Variants in PSMA7 observed in about 807,000 individuals in gnomAD.
The protein encoded by PSMA7 is proteasome 20S subunit alpha 7.
Under a neutral mutation model 31.3 loss-of-function variants are expected in PSMA7, and 5 were observed. The observed-to-expected ratio is 0.16, with a 90% confidence interval of 0.08 to 0.34. The LOEUF (loss-of-function observed/expected upper bound fraction) is 0.34. Ranked by LOEUF, PSMA7 falls within the 10% of genes least tolerant of loss-of-function variation. PSMA7 has a pLI of 1.00. For missense variants in PSMA7, 217 were observed against 327.5 expected (o/e 0.66, Z 2.60); for synonymous variants, 155 against 121.9 (o/e 1.27, Z -1.79).
intron 5 of PSMA7, among the ~76,000 whole-genome samples, chr20:62,137,851 G>C (rs373799168): frequency 3.9e-5 from 6 of 152,324 alleles, no homozygotes; most frequent in African/African-American, 1.4e-4. Context: ...GCCTCTGGAA[G>C]GCCTAGTGAT....
intron 6 of PSMA7, 112 bp downstream of exon 6, chr20:62,137,252 A>G: frequency 8.8e-7 from 1 of 1,142,778 alleles, no homozygotes; most frequent in Non-Finnish European, 1.3e-6. Flanking sequence ...CATTTTCCTA[A>G]TGTTAAAACC....
chr20:62,136,844 G>C lies in PSMA7; in HGVS notation c.*13C>G. The C allele has an allele frequency of 6.3e-7, 1 of 1,587,372 alleles. No homozygotes were observed. Among genetic ancestry groups the C allele is most frequent in the East Asian group, 2.2e-5 (1 of 44,624 alleles). On this transcript the variant is annotated 3_prime_UTR_variant, in exon 7 of 7. Transcript: ENST00000370873. ...TATGAATTTAAAAATTACAAGCAAA[G>C]ACATTTTATTCATCATGATGCTTTC...
chr20:62,143,120 AGCGCC>A, intron 1 of PSMA7, 83 bp downstream of exon 1: 1 of 844,416 alleles, frequency 1.2e-6, no homozygotes, highest in Non-Finnish European at 1.4e-6. Context: ...GGGCGCCCAC[AGCGCC>A]GCGCCCGGCC....
At chr20:62,138,688 G>A (rs2056909626) in intron 4 of PSMA7, among the ~76,000 whole-genome samples, 1 of 151,890 alleles carries the variant, frequency 6.6e-6, no homozygotes, top group African/African-American at 2.4e-5. Context: ...CTGAGTAGCT[G>A]GGATTACAGG....
chr20:62,140,981 T>TA, intron 1 of PSMA7, 37 bp from the exon 2 acceptor site: 1 of 1,612,006 alleles, frequency 6.2e-7, no homozygotes, highest in Non-Finnish European at 8.5e-7. Flanking sequence ...AAGAAAGTGA[T>TA]ATGAGTGCTG....
intron 5 of PSMA7, 114 bp downstream of exon 5, chr20:62,138,057 C>G (rs2056905635): frequency 1.5e-6 from 2 of 1,376,136 alleles, no homozygotes; most frequent in Non-Finnish European, 2.0e-6. Context: ...ACACAGCAGT[C>G]ATTAAGCATT....
intron 2 of PSMA7, among the ~76,000 whole-genome samples, chr20:62,140,573 G>A (rs765018312): frequency 6.6e-6 from 1 of 152,068 alleles, no homozygotes; most frequent in Non-Finnish European, 1.5e-5. Flanking sequence ...AATAACAGTG[G>A]AGGTCAAATT....
intron 1 of PSMA7, among the ~76,000 whole-genome samples, chr20:62,141,544 C>A (rs2056927426): frequency 6.6e-6 from 1 of 152,262 alleles, no homozygotes; most frequent in African/African-American, 2.4e-5. Context: ...GTTTTAGTTA[C>A]AACATAGCTA....
intron 5 of PSMA7, 135 bp from the exon 6 acceptor site, chr20:62,137,561 C>T (rs1012871458): frequency 3.6e-6 from 3 of 826,832 alleles, no homozygotes; most frequent in Non-Finnish European, 6.1e-6. Context: ...CCCCCAAAAC[C>T]TGTGTCTTTG....
intron 4 of PSMA7, among the ~76,000 whole-genome samples, chr20:62,138,624 G>A (rs2056909277): frequency 6.8e-6 from 1 of 147,852 alleles, no homozygotes; most frequent in African/African-American, 2.5e-5. Flanking sequence ...GTGTGATCTC[G>A]GCTCACTGCA....
chr20:62,139,757 G>A, intron 3 of PSMA7, 24 bp downstream of exon 3: 2 of 1,613,854 alleles, frequency 1.2e-6, no homozygotes, highest in South Asian at 1.1e-5. Context: ...CCAGAGGTGA[G>A]CATGCAAGCG....
At position 62,143,180 on chromosome 20, in the gene PSMA7, C is replaced by T. The variant is rs766573803; in HGVS notation, c.96+28G>A. The stretch of plus-strand genomic sequence containing the variant: ...CCAGCCCCACTTCCGCCCGCGTCCC[C>T]GGCCCCGCGCAGGCCCCGCCGCCTC... On this transcript the variant is annotated intron_variant, in intron 1 of 6. Coordinates refer to ENST00000370873, the MANE Select transcript of PSMA7 (RefSeq NM_002792.4). 24 of 1,341,096 alleles carry T rather than the reference C, an allele frequency of 1.8e-5. No homozygotes were observed. The South Asian group carries it at 2.4e-4, about 13-fold the overall frequency. 83.1% of individuals were successfully genotyped at this position (1,341,096 alleles called of 1,614,324 possible). A position where few individuals can be genotyped will look rare whatever the true frequency, so the allele number is the denominator to read the frequency against.
In PSMA7 at chr20:62,136,762, CTCAG is replaced by C. The variant is rs1393880933; in HGVS notation, c.*91_*94del. 28 of 1,472,990 alleles carry C rather than the reference CTCAG, an allele frequency of 1.9e-5. No homozygotes were observed. The highest frequency in any genetic ancestry group is 2.3e-5 in the Non-Finnish European group (25 of 1,109,652). 91.2% of individuals were successfully genotyped at this position (1,472,990 alleles called of 1,614,324 possible). A position where few individuals can be genotyped will look rare whatever the true frequency, so the allele number is the denominator to read the frequency against. On this transcript the variant is annotated 3_prime_UTR_variant, in exon 7 of 7. Coordinates refer to ENST00000370873, the MANE Select transcript of PSMA7 (RefSeq NM_002792.4). ...AAATACGGAAGTTTATTGTAGGACA[CTCAG>C]TGTGAATAAATGGAATGGAAAGGCC...
rs1470493243 is a variant in PSMA7, at chr20:62,136,940, G to A, written c.664C>T (p.Pro222Ser). 2.5e-6 allele frequency: 4 copies of A among 1,596,486 alleles called. No homozygotes were observed. The highest frequency in any genetic ancestry group is 2.2e-5 in the East Asian group (1 of 44,624). ...GCAACATACTTCTCAATTTCTTCAG[G>A]ATTTAAAATCTATAGAAAAAAACTT... ...RRDQSLKILN[P>S]EEIEKYVAEI... is the part of the protein sequence containing the mutation. Residue 222 changes from proline (P) to serine (S), a missense_variant, in exon 7 of 7, where the codon CCT becomes TCT. Pro to Ser is a moderately conservative substitution (Grantham distance 74, BLOSUM62 -1). This residue lies in a region of PSMA7 where 88 missense variants were observed against 111.6 expected (regional missense o/e 0.79). Coordinates refer to ENST00000370873, the MANE Select transcript of PSMA7 (RefSeq NM_002792.4).
intron 5 of PSMA7, 177 bp from the exon 6 acceptor site, chr20:62,137,603 T>C (rs2056903164): frequency 3.1e-6 from 2 of 648,240 alleles, no homozygotes; most frequent in South Asian, 1.8e-5. Flanking sequence ...TGAAGTCTGT[T>C]TGGGATGCCT....
rs114888485 is a variant in PSMA7, at chr20:62,138,044, G to A, written c.591+127C>T. 2,840 of 1,295,688 alleles carry A rather than the reference G, an allele frequency of 2.2e-3. 52 individuals carry two copies. In the African/African-American group the frequency reaches 0.034, roughly 16 times the overall value. 80.3% of individuals were successfully genotyped at this position (1,295,688 alleles called of 1,614,324 possible). ...TACACCATAGACCAGAGCAGTGCCT[G>A]GAACACAGCAGTCATTAAGCATTAC... On this transcript the variant is annotated intron_variant, in intron 5 of 6. Coordinates refer to ENST00000370873, the MANE Select transcript of PSMA7 (RefSeq NM_002792.4).
intron 5 of PSMA7, among the ~76,000 whole-genome samples, chr20:62,137,731 T>C (rs571380321): frequency 1.3e-5 from 2 of 152,336 alleles, no homozygotes; most frequent in East Asian, 3.9e-4. Context: ...CGCTCCCGCC[T>C]GGCCTTCCAG....
intron 1 of PSMA7, among the ~76,000 whole-genome samples, chr20:62,141,941 C>G (rs2056930702): frequency 6.6e-6 from 1 of 152,270 alleles, no homozygotes; most frequent in Non-Finnish European, 1.5e-5. Flanking sequence ...GCTTCTCCAG[C>G]TCAGCACTGT....
chr20:62,142,943 C>T (rs998492039), intron 1 of PSMA7, among the ~76,000 whole-genome samples: 77 of 150,314 alleles, frequency 5.1e-4, no homozygotes, highest in Admixed American at 4.0e-4. Flanking sequence ...CCCCCGTGCC[C>T]GGGGCCCCAC....
Sources: allele counts gnomAD v4.1 joint callset (sites outside exome capture counted in the v4.1 genomes callset), GRCh38; gene constraint gnomAD v4.1.1; regional missense constraint gnomAD v4.1.1; transcripts MANE v1.5; gene names NCBI Gene and HGNC (gene_info 2026-07-23, HGNC 2026-07-21).